Variants in DCDC2C observed in about 807,000 individuals in gnomAD.
DCDC2C encodes doublecortin domain containing 2C, also known as doublecortin domain-containing protein 2C.
A neutral mutation model predicts 45.0 loss-of-function variants in DCDC2C; 44 were observed. The observed-to-expected ratio is 0.98, with a 90% CI of 0.77 to 1.26. DCDC2C has a LOEUF of 1.26. DCDC2C is among the 50% of genes most tolerant of loss of function. The probability of loss-of-function intolerance (pLI) is 0.00; values close to 1 mark genes in which losing one functional copy is unlikely to be tolerated. For missense variants in DCDC2C, 447 were observed against 468.9 expected (o/e 0.95, Z 0.43); for synonymous variants, 187 against 178.8 (o/e 1.05, Z -0.37).
At chr2:3,833,289 T>G (rs1304744959) in intron 10 of DCDC2C, among the ~76,000 whole-genome samples, 1 of 152,226 alleles carries the variant, frequency 6.6e-6, no homozygotes, top group African/African-American at 2.4e-5. Flanking sequence ...CCCTTTGCCA[T>G]GCACCCTAAC....
chr2:3,725,719 A>AGGAGGCTGCC, intron 2 of DCDC2C, among the ~76,000 whole-genome samples: 1 of 140,914 alleles, frequency 7.1e-6, no homozygotes. Flanking sequence ...GCAAAGAGTG[A>AGGAGGCTGCC]CGAGGCTGGC....
chr2:3,752,600 C>G, intron 4 of DCDC2C, 163 bp from the exon 5 acceptor site: 1 of 783,194 alleles, frequency 1.3e-6, no homozygotes, highest in East Asian at 2.7e-5. Context: ...AGAGCAGTTC[C>G]CGTCGGGTTT....
rs777676891 is a variant in DCDC2C, at chr2:3,759,482, GA to G, written c.726+4849del. ...TCATGGAATCTTGATTCAAAGACGT[GA>G]GATGGAGAATAACAGAGAGTAATGT... is the stretch of plus-strand genomic sequence containing the variant. On this transcript the variant is annotated intron_variant, in intron 6 of 10. Transcript: ENST00000399143. Among the ~76,000 whole-genome samples the G allele has an allele frequency of 2.2e-4, 34 of 152,296 alleles. 1 individual carries two copies. Among genetic ancestry groups the G allele is most frequent in the Admixed American group, 8.5e-4 (13 of 15,292 alleles).
At position 3,724,901 on chromosome 2, in the gene DCDC2C, G is replaced by A. The variant is rs1016137100; in HGVS notation, c.340-2102G>A. On this transcript the variant is annotated intron_variant, in intron 2 of 10. Transcript: ENST00000399143. ...GAGCTGGGAAGTGAGGGAGGGACAC[G>A]TTTGCCCCACCTGAACTCCTTGTTG... Among the ~76,000 whole-genome samples the A allele has an allele frequency of 8.5e-5, 13 of 152,154 alleles. No individual in the cohort carries two copies. The East Asian group carries it at 1.9e-3, about 23-fold the overall frequency.
At chr2:3,788,963 C>T (rs1354669366) in intron 10 of DCDC2C, among the ~76,000 whole-genome samples, 1 of 151,702 alleles carries the variant, frequency 6.6e-6, no homozygotes, top group East Asian at 1.9e-4. Context: ...CTTCAGCTAA[C>T]TGAGTAGCTG....
At chr2:3,815,642 A>AAAAG (rs1671537570) in intron 10 of DCDC2C, among the ~76,000 whole-genome samples, 1 of 152,178 alleles carries the variant, frequency 6.6e-6, no homozygotes, top group Non-Finnish European at 1.5e-5. Context: ...GCTGAGTCCG[A>AAAAG]AGAGTCAGTG....
chr2:3,733,150 A>C (rs1195073923), intron 3 of DCDC2C, among the ~76,000 whole-genome samples: 1 of 152,164 alleles, frequency 6.6e-6, no homozygotes, highest in Non-Finnish European at 1.5e-5. Context: ...CATATTGGGG[A>C]CATATTGGCT....
chr2:3,832,449 C>T (rs982579096), intron 10 of DCDC2C, among the ~76,000 whole-genome samples: 3 of 152,198 alleles, frequency 2.0e-5, no homozygotes, highest in East Asian at 1.9e-4. Context: ...CTTGAAGCAA[C>T]CTTTGTGTTT....
chr2:3,769,494 C>A (rs988968865), intron 8 of DCDC2C, 83 bp downstream of exon 8: 2 of 1,231,310 alleles, frequency 1.6e-6, no homozygotes, highest in Admixed American at 4.0e-5. Context: ...CCTTCACCCT[C>A]TCCCTGCAAA....
rs528452594 is a variant in DCDC2C, at chr2:3,719,769, G to A, written c.340-7234G>A. On this transcript the variant is annotated intron_variant, in intron 2 of 10. Coordinates refer to ENST00000399143, the MANE Select transcript of DCDC2C (RefSeq NM_001287444.2). Reference sequence around the variant, plus strand: ...CTTAAACCTTATATAAGGACTGTAAGTAAGTTTATTGAATGAAGAAACTAT... The same window carrying A: ...CTTAAACCTTATATAAGGACTGTAAATAAGTTTATTGAATGAAGAAACTAT... Among the ~76,000 whole-genome samples, 8 of 152,358 alleles carry A rather than the reference G, an allele frequency of 5.3e-5. No individual in the cohort carries two copies. The East Asian group carries it at 5.8e-4, about 11-fold the overall frequency.
chr2:3,800,228 C>T (rs1323123545), intron 10 of DCDC2C, among the ~76,000 whole-genome samples: 3 of 152,190 alleles, frequency 2.0e-5, no homozygotes, highest in Non-Finnish European at 2.9e-5. Flanking sequence ...TGCTTCAGCT[C>T]GCACACGGTG....
At chr2:3,753,879 G>A (rs779226753) in intron 5 of DCDC2C, among the ~76,000 whole-genome samples, 1 of 152,170 alleles carries the variant, frequency 6.6e-6, no homozygotes, top group Non-Finnish European at 1.5e-5. Context: ...CAGGCAGATG[G>A]TTAGGTTAGA....
intron 6 of DCDC2C, among the ~76,000 whole-genome samples, chr2:3,755,876 G>A (rs1231476380): frequency 6.6e-6 from 1 of 152,000 alleles, no homozygotes; most frequent in Admixed American, 6.5e-5. Flanking sequence ...GCATATGTGT[G>A]CATGTGTGCA....
At chr2:3,751,617 C>T (rs1669544888) in intron 4 of DCDC2C, among the ~76,000 whole-genome samples, 1 of 152,150 alleles carries the variant, frequency 6.6e-6, no homozygotes, top group Admixed American at 6.5e-5. Context: ...CTGAAGCTGA[C>T]CCTCTGGGCA....
At chr2:3,709,995 C>A (rs544574542) in intron 2 of DCDC2C, among the ~76,000 whole-genome samples, 61 of 152,224 alleles carry the variant, frequency 4.0e-4, no homozygotes, top group Non-Finnish European at 7.9e-4. Flanking sequence ...GGTTGCTGGG[C>A]ACTCACTCTA....
intron 10 of DCDC2C, among the ~76,000 whole-genome samples, chr2:3,800,248 A>C (rs1671081934): frequency 6.6e-6 from 1 of 152,080 alleles, no homozygotes. Context: ...GCGCGCACCC[A>C]CTGACCTGCG....
intron 10 of DCDC2C, among the ~76,000 whole-genome samples, chr2:3,809,683 T>C: frequency 6.6e-6 from 1 of 152,160 alleles, no homozygotes; most frequent in East Asian, 1.9e-4. Flanking sequence ...GTTACACAGG[T>C]ATACATGTGC....
At chr2:3,817,420 T>C (rs1196615139) in intron 10 of DCDC2C, among the ~76,000 whole-genome samples, 1 of 151,986 alleles carries the variant, frequency 6.6e-6, no homozygotes, top group Admixed American at 6.6e-5. Context: ...TTTGCAAGAG[T>C]GAGGGCCTGA....
At chr2:3,832,454 G>A (rs556382870) in intron 10 of DCDC2C, among the ~76,000 whole-genome samples, 2 of 152,320 alleles carry the variant, frequency 1.3e-5, no homozygotes, top group East Asian at 3.9e-4. Context: ...AGCAACCTTT[G>A]TGTTTGTAGG....
Sources: gnomAD v4.1 joint callset for allele counts (sites outside exome capture counted in the v4.1 genomes callset) on GRCh38, gnomAD v4.1.1 for gene constraint, MANE v1.5 for transcripts, NCBI Gene and HGNC (gene_info 2026-07-23, HGNC 2026-07-21) for gene names.